Variants in ACP3 observed in about 807,000 individuals in gnomAD.
The protein encoded by ACP3 is prostatic acid phosphatase.
A neutral mutation model predicts 45.6 loss-of-function variants in ACP3; 38 were observed. That is an observed-to-expected ratio of 0.83 (90% CI 0.64 to 1.09). The LOEUF is 1.09. ACP3 is among the 50% of genes least tolerant of loss of function. The probability of loss-of-function intolerance (pLI) is 0.00; values close to 1 mark genes in which losing one functional copy is unlikely to be tolerated. For missense variants in ACP3, 466 were observed against 463.2 expected (o/e 1.01, Z -0.05); for synonymous variants, 162 against 164.7 (o/e 0.98, Z 0.13).
chr3:132,351,379 C>T (rs1405996872), intron 8 of ACP3, among the ~76,000 whole-genome samples: 5 of 152,184 alleles, frequency 3.3e-5, no homozygotes, highest in Admixed American at 3.3e-4. Context: ...CAAATAGCTG[C>T]CCATGGAGTC....
At chr3:132,329,569 A>G (rs1241353083) in intron 2 of ACP3, among the ~76,000 whole-genome samples, 1 of 152,246 alleles carries the variant, frequency 6.6e-6, no homozygotes, top group Non-Finnish European at 1.5e-5. Flanking sequence ...ACAAAAATTC[A>G]GATTTGCTTG....
chr3:132,329,002 A>T (rs1395789112), intron 2 of ACP3, among the ~76,000 whole-genome samples: 1 of 152,196 alleles, frequency 6.6e-6, no homozygotes, highest in African/African-American at 2.4e-5. Flanking sequence ...TTGGGATTTG[A>T]CCTTCCTTAT....
intron 4 of ACP3, among the ~76,000 whole-genome samples, chr3:132,332,779 GA>G (rs1937424311): frequency 6.6e-6 from 1 of 152,102 alleles, no homozygotes; most frequent in Non-Finnish European, 1.5e-5. Context: ...CCTAGGTAGA[GA>G]AAAAAAGATT....
At chr3:132,332,088 TTCACTGTG>T in intron 3 of ACP3, 96 bp from the exon 4 acceptor site, 2 of 1,247,414 alleles carry the variant, frequency 1.6e-6, no homozygotes, top group Non-Finnish European at 2.3e-6. Context: ...TCTGTAATAT[TTCACTGTG>T]GGTGTCCTTT....
At chr3:132,340,378 T>A (rs935810328) in intron 5 of ACP3, among the ~76,000 whole-genome samples, 2 of 151,948 alleles carry the variant, frequency 1.3e-5, no homozygotes, top group African/African-American at 2.4e-5. Flanking sequence ...ATGGCATTTT[T>A]AAAAAAAAGT....
intron 10 of ACP3, among the ~76,000 whole-genome samples, chr3:132,366,489 G>A (rs1938134630): frequency 6.6e-6 from 1 of 152,102 alleles, no homozygotes; most frequent in African/African-American, 2.4e-5. Flanking sequence ...TGTAAGCTGT[G>A]AGAAAAATAA....
chr3:132,354,500 T>C (rs1187582576), intron 9 of ACP3, among the ~76,000 whole-genome samples: 1 of 152,208 alleles, frequency 6.6e-6, no homozygotes, highest in African/African-American at 2.4e-5. Context: ...TTTTTTTTAT[T>C]GGCACTCCAG....
chr3:132,335,015 C>G (rs529219078), intron 4 of ACP3, among the ~76,000 whole-genome samples: 1 of 152,060 alleles, frequency 6.6e-6, no homozygotes, highest in African/African-American at 2.4e-5. Flanking sequence ...GGACAGATGT[C>G]TCGGTGATTA....
chr3:132,351,007 A>C (rs1194927939), intron 8 of ACP3, among the ~76,000 whole-genome samples: 1 of 152,192 alleles, frequency 6.6e-6, no homozygotes, highest in African/African-American at 2.4e-5. Context: ...ATTCTCAGTG[A>C]TGAATTGGAA....
Position 132,358,495 on chromosome 3 carries a change from A to C in ACP3, c.*1617A>C. 7.9e-7 allele frequency: 1 copy of C among 1,266,144 alleles called. No homozygotes were observed. Among genetic ancestry groups the C allele is most frequent in the South Asian group, 1.3e-5 (1 of 76,458 alleles). The allele number at this position is 1,266,144 out of a possible 1,614,324, so 78.4% of individuals were successfully genotyped here. ...TGTGGCAGATCTACATGTCTAGAGA[A>C]CACTGTGCTCTATTACCATTATGGA... is the stretch of plus-strand genomic sequence containing the variant. On this transcript the variant is annotated 3_prime_UTR_variant, in exon 10 of 10. Transcript: ENST00000336375.
chr3:132,366,856 T>C (rs764723126), intron 10 of ACP3, among the ~76,000 whole-genome samples: 1 of 152,204 alleles, frequency 6.6e-6, no homozygotes, highest in Non-Finnish European at 1.5e-5. Flanking sequence ...TTGCTCTGCT[T>C]CTTATTTTCC....
At chr3:132,321,877 A>G (rs1200762462) in intron 1 of ACP3, among the ~76,000 whole-genome samples, 3 of 152,216 alleles carry the variant, frequency 2.0e-5, no homozygotes. Context: ...GAATAATATA[A>G]CAACAAAAAT....
In ACP3 at chr3:132,358,654, C is replaced by T. The variant is rs937340467; in HGVS notation, c.*1776C>T. 9.7e-7 allele frequency: 1 copy of T among 1,030,856 alleles called. No homozygotes were observed. Among genetic ancestry groups the T allele is most frequent in the African/African-American group, 1.7e-5 (1 of 59,194 alleles). The allele number at this position is 1,030,856 out of a possible 1,614,324, so 63.9% of individuals were successfully genotyped here. ...ATATGCTTCTTTGTGTTATTTCCCT[C>T]CCAAGTAAATGTTTGTCCTTGGGTC... On this transcript the variant is annotated 3_prime_UTR_variant, in exon 10 of 10. Coordinates refer to ENST00000336375, the MANE Select transcript of ACP3 (RefSeq NM_001099.5).
intron 4 of ACP3, chr3:132,332,567 G>A: frequency 2.0e-6 from 1 of 511,336 alleles, no homozygotes; most frequent in Non-Finnish European, 3.4e-6. Flanking sequence ...ACTTTGTTTT[G>A]CCACTCTTGC....
chr3:132,334,743 A>C (rs1468903951), intron 4 of ACP3, among the ~76,000 whole-genome samples: 5 of 152,252 alleles, frequency 3.3e-5, no homozygotes, highest in Admixed American at 6.5e-5. Flanking sequence ...TATATTGGAC[A>C]CAGATTAGAT....
At chr3:132,364,803 G>A (rs1361572509) in intron 10 of ACP3, among the ~76,000 whole-genome samples, 2 of 152,194 alleles carry the variant, frequency 1.3e-5, no homozygotes, top group Non-Finnish European at 2.9e-5. Flanking sequence ...TGTTCCATCA[G>A]ACTGCTATGA....
At position 132,332,280 on chromosome 3, in the gene ACP3, T is replaced by C; in HGVS notation, c.392T>C (p.Ile131Thr). ...CTGTTTCCCCCAGAAGGTGTCAGCA[T>C]CTGGAATCCTATCCTACTCTGGCAG... ...AALFPPEGVS[I>T]WNPILLWQPI... Residue 131 changes from isoleucine (I) to threonine (T), a missense_variant, in exon 4 of 10, where the codon ATC (isoleucine) becomes ACC (threonine). Coordinates refer to ENST00000336375, the MANE Select transcript of ACP3 (RefSeq NM_001099.5). 1 of 1,614,148 alleles carries C rather than the reference T, an allele frequency of 6.2e-7. No individual in the cohort carries two copies.
intron 9 of ACP3, among the ~76,000 whole-genome samples, 175 bp downstream of exon 9, chr3:132,352,998 A>G: frequency 6.6e-6 from 1 of 152,146 alleles, no homozygotes; most frequent in South Asian, 2.1e-4. Context: ...TTTCATGAAG[A>G]CTTTTACTGG....
chr3:132,348,705 T>C (rs894578186), intron 7 of ACP3, among the ~76,000 whole-genome samples: 2 of 152,098 alleles, frequency 1.3e-5, no homozygotes, highest in African/African-American at 4.8e-5. Context: ...GATGGAGGGA[T>C]TTAGACCTGT....
Sources: gnomAD v4.1 joint callset for allele counts (sites outside exome capture counted in the v4.1 genomes callset) on GRCh38, gnomAD v4.1.1 for gene constraint, MANE v1.5 for transcripts, NCBI Gene and HGNC (gene_info 2026-07-23, HGNC 2026-07-21) for gene names.